The following VPS50 variants were observed in gnomAD, a reference collection of about 807,000 sequenced individuals.
VPS50 encodes VPS50 subunit of EARP/GARPII complex.
In VPS50, 70 loss-of-function variants were observed where a neutral mutation model predicts 139.7. The observed-to-expected ratio is 0.50, with a 90% CI of 0.41 to 0.61. The LOEUF (loss-of-function observed/expected upper bound fraction) is 0.61, where lower values mean the gene tolerates loss of function less well. Ranked by LOEUF, VPS50 falls within the 20% of genes least tolerant of loss-of-function variation. VPS50 has a pLI of 0.00. For synonymous variants in VPS50, 365 were observed against 376.7 expected (o/e 0.97, Z 0.36); for missense variants, 921 against 1,133.7 (o/e 0.81, Z 2.69).
At chr7:93,243,672 A>G (rs1795062277) in intron 2 of VPS50, among the ~76,000 whole-genome samples, 1 of 151,962 alleles carries the variant, frequency 6.6e-6, no homozygotes, top group Non-Finnish European at 1.5e-5. Flanking sequence ...CATGAAAGGT[A>G]TTTTACTTAA....
chr7:93,358,170 G>A, intron 27 of VPS50, 147 bp from the exon 28 acceptor site: 2 of 691,502 alleles, frequency 2.9e-6, no homozygotes, highest in South Asian at 3.7e-5. Context: ...TGCCTTCCAT[G>A]TCCCAACTGT....
chr7:93,357,992 TAACAAAGACTATTACAGA>T (rs1238411498), intron 27 of VPS50, among the ~76,000 whole-genome samples: 1 of 152,138 alleles, frequency 6.6e-6, no homozygotes, highest in Non-Finnish European at 1.5e-5. Flanking sequence ...GATGACTCAA[TAACAAAGACTATTACAGA>T]AACAAGTGTA....
At chr7:93,259,482 T>C in intron 8 of VPS50, 68 bp from the exon 9 acceptor site, 1 of 804,466 alleles carries the variant, frequency 1.2e-6, no homozygotes, top group Non-Finnish European at 2.1e-6. Context: ...GAACAGAGAT[T>C]TTTTTTTATC....
At chr7:93,329,321 T>C (rs1005669413) in intron 21 of VPS50, among the ~76,000 whole-genome samples, 21 of 151,688 alleles carry the variant, frequency 1.4e-4, no homozygotes, top group Non-Finnish European at 7.4e-5. Context: ...CAACAAAAAA[T>C]TTACTCAATA....
chr7:93,271,996 AAAC>A (rs1299391794), intron 10 of VPS50, among the ~76,000 whole-genome samples: 7 of 151,884 alleles, frequency 4.6e-5, no homozygotes, highest in African/African-American at 1.7e-4. Context: ...ATAGTCACAG[AAAC>A]AACTGCTTTG....
At chr7:93,258,071 C>G (rs1030825652) in intron 6 of VPS50, 88 bp from the exon 7 acceptor site, 3 of 640,716 alleles carry the variant, frequency 4.7e-6, no homozygotes, top group Non-Finnish European at 8.4e-6. Context: ...ATCCATTTCA[C>G]TGCTTCATTA....
At position 93,306,014 on chromosome 7, in the gene VPS50, G is replaced by A; in HGVS notation, c.1629+10G>A. ...CTTAGCTTCTAATGGGGTATGTGGT[G>A]TATGTGAAACATAAGTGAGTTTTTT... is the stretch of plus-strand genomic sequence containing the variant. On this transcript the variant is annotated intron_variant, in intron 18 of 27. Transcript: ENST00000305866. 3 of 1,599,928 alleles carry A rather than the reference G, an allele frequency of 1.9e-6. No individual in the cohort carries two copies. The highest frequency in any genetic ancestry group is 1.3e-5 in the African/African-American group (1 of 74,364).
rs1415696389 is a variant in VPS50, at chr7:93,308,912, A to T, written c.1718A>T (p.Asp573Val). 6.3e-7 allele frequency: 1 copy of T among 1,598,028 alleles called. No individual in the cohort carries two copies. Among genetic ancestry groups the T allele is most frequent in the African/African-American group, 1.3e-5 (1 of 74,556 alleles). The change falls in exon 19 of 28, where the codon GAT becomes GTT. Residue 573 changes from aspartate to valine, a missense_variant. Physicochemically the swap from Asp to Val is radical, Grantham distance 152 (BLOSUM62 -3). Transcript: ENST00000305866. Reference sequence around the variant, plus strand: ...GAGGAACTCAAACGAGACTATGTGGATGAGCAGACAGGAGATGGTCCTGTG... The same window carrying T: ...GAGGAACTCAAACGAGACTATGTGGTTGAGCAGACAGGAGATGGTCCTGTG... ...VPEELKRDYVDEQTGDGPVKS... is the reference protein window; with the variant it reads ...VPEELKRDYVVEQTGDGPVKS...
Position 93,238,999 on chromosome 7 carries a change from A to G in VPS50, c.34-867A>G, listed in dbSNP as rs1251427009. On this transcript the variant is annotated intron_variant, in intron 1 of 27. Transcript: ENST00000305866. ...GGGAAGAGAAAATACACATCTCTGT[A>G]GTTTAAAGATAAGCAAGTTCTGCTC... Among the ~76,000 whole-genome samples, 3 of 152,180 alleles carry G rather than the reference A, an allele frequency of 2.0e-5. No individual in the cohort carries two copies. In the East Asian group the frequency reaches 5.8e-4, roughly 29 times the overall value.
At chr7:93,284,342 C>T (rs1056290732) in intron 12 of VPS50, among the ~76,000 whole-genome samples, 11 of 152,088 alleles carry the variant, frequency 7.2e-5, no homozygotes, top group African/African-American at 2.7e-4. Context: ...TAACTTGAAA[C>T]TTTGAAAGAT....
At chr7:93,313,764 AGT>A (rs1436932922) in intron 20 of VPS50, among the ~76,000 whole-genome samples, 1 of 70 alleles carries the variant, frequency 0.014, no homozygotes, top group Non-Finnish European at 0.033. Flanking sequence ...GACCCTTTAA[AGT>A]AAAGTAAAGT....
intron 2 of VPS50, among the ~76,000 whole-genome samples, chr7:93,244,693 A>C (rs912706502): frequency 6.6e-6 from 1 of 151,876 alleles, no homozygotes. Flanking sequence ...ATTAGTATTG[A>C]GGTTTATGAC....
chr7:93,294,888 G>A (rs1309028710), intron 14 of VPS50, among the ~76,000 whole-genome samples: 1 of 152,084 alleles, frequency 6.6e-6, no homozygotes, highest in East Asian at 1.9e-4. Flanking sequence ...TTGTTTTAGA[G>A]GCCTAGCAAA....
chr7:93,359,225 A>G lies in VPS50; in HGVS notation c.*789A>G, dbSNP rs1798786381. The G allele has an allele frequency of 6.6e-6, 1 of 152,138 alleles. No individual in the cohort carries two copies. The highest frequency in any genetic ancestry group is 2.4e-5 in the African/African-American group (1 of 41,442). 9.4% of individuals were successfully genotyped at this position (152,138 alleles called of 1,614,324 possible). On this transcript the variant is annotated 3_prime_UTR_variant, in exon 28 of 28. Coordinates refer to ENST00000305866, the MANE Select transcript of VPS50 (RefSeq NM_017667.4). ...CTTTCTTTTATCTTTCTTTATAAAA[A>G]TATGTGGTTTTTTTGTTGAAAGTTT...
At chr7:93,282,001 G>A (rs1457377260) in intron 12 of VPS50, among the ~76,000 whole-genome samples, 3 of 151,938 alleles carry the variant, frequency 2.0e-5, no homozygotes, top group African/African-American at 7.2e-5. Context: ...TCAGGAGATC[G>A]AGACCATCCT....
chr7:93,282,054 A>G (rs1443863828), intron 12 of VPS50, among the ~76,000 whole-genome samples: 2 of 152,048 alleles, frequency 1.3e-5, no homozygotes, highest in African/African-American at 4.8e-5. Context: ...AATACAAAAA[A>G]TTAGCCGGGC....
intron 18 of VPS50, among the ~76,000 whole-genome samples, chr7:93,307,418 A>G (rs937753121): frequency 1.3e-5 from 2 of 151,948 alleles, no homozygotes; most frequent in African/African-American, 4.8e-5. Flanking sequence ...AGCACTTGGC[A>G]CTAAATAGGT....
chr7:93,261,415 C>T (rs906881217), intron 9 of VPS50, among the ~76,000 whole-genome samples: 2 of 152,076 alleles, frequency 1.3e-5, no homozygotes, highest in African/African-American at 4.8e-5. Flanking sequence ...CGGTGGCTCA[C>T]GCTTGTAATC....
chr7:93,347,137 C>A (rs1798419649), intron 23 of VPS50, among the ~76,000 whole-genome samples: 1 of 145,888 alleles, frequency 6.9e-6, no homozygotes, highest in East Asian at 2.3e-4. Flanking sequence ...AAGAAAAAAA[C>A]AAACAACCCC....
Sources: allele counts gnomAD v4.1 joint callset (sites outside exome capture counted in the v4.1 genomes callset), GRCh38; gene constraint gnomAD v4.1.1; transcripts MANE v1.5; gene names NCBI Gene and HGNC (gene_info 2026-07-23, HGNC 2026-07-21).